TTLL5: variants seen among roughly 807,000 people sequenced by gnomAD.
TTLL5 encodes tubulin tyrosine ligase like 5.
A neutral mutation model predicts 168.4 loss-of-function variants in TTLL5; 132 were observed. The ratio of observed to expected loss-of-function variants is 0.78; its 90% CI spans 0.68 to 0.91. The LOEUF (loss-of-function observed/expected upper bound fraction) is 0.91. TTLL5 is among the 40% of genes least tolerant of loss of function. The pLI is 0.00. For synonymous variants in TTLL5, 546 were observed against 558.6 expected, an observed-to-expected ratio of 0.98 and a Z score of 0.32; for missense variants, 1,545 against 1,581.5, an observed-to-expected ratio of 0.98 and a Z score of 0.39.
At chr14:75,873,815 G>A (rs541979417) in intron 29 of TTLL5, among the ~76,000 whole-genome samples, 5 of 152,056 alleles carry the variant, frequency 3.3e-5, no homozygotes, top group South Asian at 2.1e-4. Context: ...ATTTTTAACC[G>A]TAAATATACA....
intron 17 of TTLL5, among the ~76,000 whole-genome samples, chr14:75,746,035 T>C (rs1225269473): frequency 6.6e-6 from 1 of 152,176 alleles, no homozygotes; most frequent in Non-Finnish European, 1.5e-5. Flanking sequence ...ATAAAATATT[T>C]CCATCACCCT....
chr14:75,860,088 A>T (rs1897324454), intron 28 of TTLL5, among the ~76,000 whole-genome samples: 1 of 152,200 alleles, frequency 6.6e-6, no homozygotes, highest in Admixed American at 6.5e-5. Context: ...TACTGAGGAG[A>T]TTAAAAACAG....
chr14:75,800,335 T>A (rs1384591635), intron 27 of TTLL5, among the ~76,000 whole-genome samples: 3 of 152,180 alleles, frequency 2.0e-5, no homozygotes, highest in Non-Finnish European at 4.4e-5. Context: ...TTTTTATCGA[T>A]GCTCTCTATT....
chr14:75,851,474 G>A (rs747213548), intron 28 of TTLL5, among the ~76,000 whole-genome samples: 1 of 152,110 alleles, frequency 6.6e-6, no homozygotes, highest in African/African-American at 2.4e-5. Context: ...GGAAGATTTG[G>A]TAATCTTTCT....
intron 28 of TTLL5, among the ~76,000 whole-genome samples, chr14:75,860,229 A>AGACC (rs1451049218): frequency 1.5e-4 from 23 of 152,302 alleles, no homozygotes; most frequent in African/African-American, 5.3e-4. Flanking sequence ...ATATATCCAC[A>AGACC]GACCCCCACC....
At chr14:75,799,587 G>T (rs929249113) in intron 27 of TTLL5, among the ~76,000 whole-genome samples, 7 of 152,142 alleles carry the variant, frequency 4.6e-5, no homozygotes, top group African/African-American at 1.4e-4. Flanking sequence ...CTTTATGGAG[G>T]TTCTATTTTG....
chr14:75,902,954 C>T (rs1398266823), intron 31 of TTLL5, among the ~76,000 whole-genome samples: 2 of 152,088 alleles, frequency 1.3e-5, no homozygotes, highest in African/African-American at 4.8e-5. Flanking sequence ...GAAAAGTCAG[C>T]AGGGAATGTG....
intron 18 of TTLL5, among the ~76,000 whole-genome samples, chr14:75,753,921 G>A (rs770267678): frequency 4.6e-5 from 7 of 152,046 alleles, no homozygotes. Context: ...CAGTGAGTGC[G>A]GCCTTTCAGT....
chr14:75,935,698 C>T (rs1317400299), intron 31 of TTLL5, among the ~76,000 whole-genome samples: 1 of 152,118 alleles, frequency 6.6e-6, no homozygotes, highest in Non-Finnish European at 1.5e-5. Context: ...CCAAAAAAAC[C>T]CAACCCACTG....
intron 28 of TTLL5, among the ~76,000 whole-genome samples, chr14:75,850,234 C>A (rs1267129389): frequency 6.6e-6 from 1 of 151,604 alleles, no homozygotes; most frequent in Non-Finnish European, 1.5e-5. Context: ...TGGAGAAACC[C>A]CGTCTCTACT....
intron 20 of TTLL5, among the ~76,000 whole-genome samples, chr14:75,767,992 G>A (rs1891062791): frequency 6.6e-6 from 1 of 152,196 alleles, no homozygotes; most frequent in South Asian, 2.1e-4. Flanking sequence ...AAAACAATGA[G>A]TTTGATTTAA....
intron 28 of TTLL5, among the ~76,000 whole-genome samples, chr14:75,850,108 TA>T (rs1164286392): frequency 1.9e-4 from 27 of 142,262 alleles, no homozygotes; most frequent in South Asian, 2.2e-4. Flanking sequence ...AAAATAAAAA[TA>T]AAAAAAAAAA....
chr14:75,690,179 T>A lies in TTLL5; in HGVS notation c.372-13T>A. On this transcript the variant is annotated splice_polypyrimidine_tract_variant and intron_variant, in intron 5 of 31. Coordinates refer to ENST00000298832, the MANE Select transcript of TTLL5 (RefSeq NM_015072.5). Reference sequence around the variant, plus strand: ...ATAGTTTACTGAATGGAAATACTTTTTTGATTTTTCAGGTCTTATGAACTT... The same window carrying A: ...ATAGTTTACTGAATGGAAATACTTTATTGATTTTTCAGGTCTTATGAACTT... 6.2e-7 allele frequency: 1 copy of A among 1,612,588 alleles called. No homozygotes were observed. The highest frequency in any genetic ancestry group is 8.5e-7 in the Non-Finnish European group (1 of 1,179,534).
intron 30 of TTLL5, among the ~76,000 whole-genome samples, chr14:75,900,644 T>C (rs1219771363): frequency 1.3e-5 from 2 of 152,194 alleles, no homozygotes; most frequent in Non-Finnish European, 2.9e-5. Context: ...AGCTGGTCTT[T>C]AAAGGTTCCT....
At chr14:75,847,348 T>C (rs2139872318) in intron 28 of TTLL5, among the ~76,000 whole-genome samples, 1 of 152,142 alleles carries the variant, frequency 6.6e-6, no homozygotes, top group Middle Eastern at 3.4e-3. Flanking sequence ...GATTAGCTTC[T>C]TTATACCAAG....
At chr14:75,903,651 C>T (rs955928163) in intron 31 of TTLL5, among the ~76,000 whole-genome samples, 4 of 151,878 alleles carry the variant, frequency 2.6e-5, no homozygotes, top group African/African-American at 7.3e-5. Context: ...TGCCTATAAT[C>T]GCAATGCTTT....
Position 75,783,269 on chromosome 14 carries a change from T to C in TTLL5, c.2725T>C (p.Ser909Pro). Residue 909 changes from serine (S) to proline (P), a missense_variant, in exon 26 of 32, where the codon TCT becomes CCT. Coordinates refer to ENST00000298832, the MANE Select transcript of TTLL5 (RefSeq NM_015072.5). ...GTCATCTGTTACAACCTCTGACCTCTCTCCAGGGCCTTGCCACCATTCTTC... is the reference window on the plus strand; with the variant it reads ...GTCATCTGTTACAACCTCTGACCTCCCTCCAGGGCCTTGCCACCATTCTTC... Reference protein sequence around the residue: ...HLSSVTTSDLSPGPCHHSSLS... With the variant: ...HLSSVTTSDLPPGPCHHSSLS... The C allele has an allele frequency of 6.2e-7, 1 of 1,614,204 alleles. No individual in the cohort carries two copies. The highest frequency in any genetic ancestry group is 8.5e-7 in the Non-Finnish European group (1 of 1,180,040).
chr14:75,727,936 C>A, intron 12 of TTLL5: 1 of 433,208 alleles, frequency 2.3e-6, no homozygotes. Flanking sequence ...TGTGGGCTGA[C>A]AGGCATGTGG....
intron 31 of TTLL5, among the ~76,000 whole-genome samples, chr14:75,951,871 T>A (rs1162252441): frequency 6.6e-6 from 1 of 152,160 alleles, no homozygotes; most frequent in Non-Finnish European, 1.5e-5. Context: ...ACTTCTAAAA[T>A]TCAATAAGCA....
Sources: allele counts gnomAD v4.1 joint callset (sites outside exome capture counted in the v4.1 genomes callset), GRCh38; gene constraint gnomAD v4.1.1; transcripts MANE v1.5; gene names NCBI Gene and HGNC (gene_info 2026-07-23, HGNC 2026-07-21).